STXBP5L: variants seen among roughly 807,000 people sequenced by gnomAD.
STXBP5L encodes the protein syntaxin-binding protein 5-like.
In STXBP5L, 65 loss-of-function variants were observed where a neutral mutation model predicts 144.5. That is an observed-to-expected ratio of 0.45 (90% CI 0.37 to 0.55). STXBP5L has a LOEUF of 0.55. STXBP5L is among the 20% of genes least tolerant of loss of function. STXBP5L has a pLI of 0.00. For missense variants in STXBP5L, 1,298 were observed against 1,405.5 expected (o/e 0.92, Z 1.22); for synonymous variants, 505 against 469.6 (o/e 1.08, Z -0.97).
At chr3:120,957,758 A>G (rs895287128) in intron 3 of STXBP5L, among the ~76,000 whole-genome samples, 2 of 152,160 alleles carry the variant, frequency 1.3e-5, no homozygotes, top group Admixed American at 6.6e-5. Flanking sequence ...CATTTAAAGC[A>G]GTGTGTAGAG....
At chr3:121,053,148 G>A (rs1485114610) in intron 5 of STXBP5L, among the ~76,000 whole-genome samples, 6 of 152,100 alleles carry the variant, frequency 3.9e-5, no homozygotes, top group African/African-American at 4.8e-5. Flanking sequence ...AATCAATATC[G>A]TGAAAATGGC....
intron 3 of STXBP5L, among the ~76,000 whole-genome samples, chr3:121,002,010 A>G (rs1470929775): frequency 2.0e-5 from 3 of 152,214 alleles, no homozygotes; most frequent in African/African-American, 4.8e-5. Flanking sequence ...ATAATGCTTT[A>G]ATGAACCTTC....
At chr3:121,277,980 G>C (rs1176563335) in intron 18 of STXBP5L, among the ~76,000 whole-genome samples, 1 of 151,988 alleles carries the variant, frequency 6.6e-6, no homozygotes, top group Admixed American at 6.6e-5. Flanking sequence ...GCACAGATTA[G>C]TACACAGCCG....
At chr3:121,363,268 C>T (rs1304345566) in intron 20 of STXBP5L, among the ~76,000 whole-genome samples, 1 of 152,054 alleles carries the variant, frequency 6.6e-6, no homozygotes, top group Non-Finnish European at 1.5e-5. Context: ...TTGTTTGCCC[C>T]CGACTCTGCC....
chr3:121,406,908 G>T (rs1052707560), intron 22 of STXBP5L, among the ~76,000 whole-genome samples: 1 of 151,812 alleles, frequency 6.6e-6, no homozygotes, highest in Non-Finnish European at 1.5e-5. Context: ...AAGAATCGTG[G>T]GGTAGGAATC....
At chr3:121,053,171 G>C (rs1005880401) in intron 5 of STXBP5L, among the ~76,000 whole-genome samples, 42 of 152,138 alleles carry the variant, frequency 2.8e-4, no homozygotes, top group African/African-American at 9.7e-4. Context: ...TATTGCCCAA[G>C]ATAATTTATA....
At chr3:121,235,627 T>C (rs1389189315) in intron 12 of STXBP5L, among the ~76,000 whole-genome samples, 1 of 152,116 alleles carries the variant, frequency 6.6e-6, no homozygotes, top group East Asian at 1.9e-4. Context: ...CTTAGAAATA[T>C]TAATAATTTC....
chr3:120,989,516 T>A (rs1302664660), intron 3 of STXBP5L, among the ~76,000 whole-genome samples: 1 of 152,192 alleles, frequency 6.6e-6, no homozygotes, highest in Non-Finnish European at 1.5e-5. Context: ...TTGAATTCCT[T>A]GTAGATTCTG....
intron 5 of STXBP5L, among the ~76,000 whole-genome samples, chr3:121,095,222 T>G (rs2043052394): frequency 6.6e-6 from 1 of 152,220 alleles, no homozygotes; most frequent in African/African-American, 2.4e-5. Context: ...CTTAACATTT[T>G]TTCCTTCATT....
chr3:121,055,527 T>A (rs1948394248), intron 5 of STXBP5L, among the ~76,000 whole-genome samples: 1 of 152,126 alleles, frequency 6.6e-6, no homozygotes, highest in South Asian at 2.1e-4. Context: ...GTATTATTAT[T>A]GGAGACAGGG....
At chr3:121,077,064 G>A (rs544952307) in intron 5 of STXBP5L, among the ~76,000 whole-genome samples, 5 of 152,214 alleles carry the variant, frequency 3.3e-5, no homozygotes, top group African/African-American at 9.6e-5. Context: ...CTCTATGTTG[G>A]TCTCTCCTGA....
chr3:121,171,789 T>A (rs976776597), intron 9 of STXBP5L, among the ~76,000 whole-genome samples: 5 of 152,178 alleles, frequency 3.3e-5, no homozygotes, highest in African/African-American at 1.2e-4. Context: ...AAGTAATTTA[T>A]AGATTCAATG....
intron 20 of STXBP5L, among the ~76,000 whole-genome samples, chr3:121,365,563 A>G (rs963340622): frequency 2.6e-5 from 4 of 151,768 alleles, no homozygotes; most frequent in African/African-American, 9.7e-5. Context: ...TGGCATACAA[A>G]TGTTCATAAT....
chr3:121,104,788 A>C (rs568003213), intron 5 of STXBP5L, among the ~76,000 whole-genome samples: 2 of 152,360 alleles, frequency 1.3e-5, no homozygotes, highest in Admixed American at 1.3e-4. Context: ...GAAACCACAA[A>C]AATCCTAGAA....
At chr3:121,092,701 A>G (rs1039142503) in intron 5 of STXBP5L, among the ~76,000 whole-genome samples, 4 of 152,330 alleles carry the variant, frequency 2.6e-5, no homozygotes, top group African/African-American at 4.8e-5. Flanking sequence ...TAGATACACA[A>G]TCATGTCATC....
At chr3:121,006,563 A>G (rs1240570190) in intron 3 of STXBP5L, among the ~76,000 whole-genome samples, 1 of 152,064 alleles carries the variant, frequency 6.6e-6, no homozygotes, top group Non-Finnish European at 1.5e-5. Flanking sequence ...TAAGGTTGAT[A>G]TTGTTATGTA....
Position 121,063,118 on chromosome 3 carries a change from C to T in STXBP5L, c.470+17583C>T, listed in dbSNP as rs138601272. 9.7e-4 allele frequency among the ~76,000 whole-genome samples: 147 copies of T among 152,248 alleles called. 1 individual carries two copies. The highest frequency in any genetic ancestry group is 3.2e-3 in the African/African-American group (133 of 41,542). ...GTTCTTGGAATTTTCAACCTTTTTG[C>T]GCTGGCTTCTCCCCATCTTTGTGGA... On this transcript the variant is annotated intron_variant, in intron 5 of 26. Coordinates refer to ENST00000471454, the MANE Select transcript of STXBP5L (RefSeq NM_001308330.2).
intron 3 of STXBP5L, among the ~76,000 whole-genome samples, chr3:120,960,102 T>C (rs1938580175): frequency 6.6e-6 from 1 of 152,088 alleles, no homozygotes; most frequent in African/African-American, 2.4e-5. Flanking sequence ...GCAAATGATA[T>C]GAACAGACAC....
chr3:121,387,263 T>G (rs562820002), intron 22 of STXBP5L, among the ~76,000 whole-genome samples: 15 of 152,324 alleles, frequency 9.8e-5, no homozygotes, highest in African/African-American at 2.9e-4. Context: ...CTTGGTTTTT[T>G]AGTGTAAATT....
Sources: allele counts gnomAD v4.1 joint callset (sites outside exome capture counted in the v4.1 genomes callset), GRCh38; gene constraint gnomAD v4.1.1; transcripts MANE v1.5; gene names NCBI Gene and HGNC (gene_info 2026-07-23, HGNC 2026-07-21).